Variants in ARHGAP10 observed in about 807,000 individuals in gnomAD.
ARHGAP10 encodes Rho GTPase activating protein 10.
ARHGAP10 carries 87 observed loss-of-function variants against 108.6 expected under a neutral mutation model. That is an observed-to-expected ratio of 0.80 (90% CI 0.67 to 0.96). The LOEUF is 0.96. ARHGAP10 is among the 40% of genes least tolerant of loss of function. ARHGAP10 has a pLI of 0.00. For missense variants in ARHGAP10, 939 were observed against 954.5 expected (o/e 0.98, Z 0.21); for synonymous variants, 347 against 341.1 (o/e 1.02, Z -0.19).
At chr4:147,732,844 A>T in intron 1 of ARHGAP10, among the ~76,000 whole-genome samples, 1 of 152,184 alleles carries the variant, frequency 6.6e-6, no homozygotes, top group Non-Finnish European at 1.5e-5. Flanking sequence ...AAACCGAGGC[A>T]TCTGTTTGCC....
At chr4:147,838,473 T>TAAA (rs60333839) in intron 3 of ARHGAP10, among the ~76,000 whole-genome samples, 16 of 147,952 alleles carry the variant, frequency 1.1e-4, no homozygotes, top group Admixed American at 1.1e-3. Context: ...CCTTGTCTCT[T>TAAA]AAAAAAAAAA....
intron 1 of ARHGAP10, among the ~76,000 whole-genome samples, chr4:147,738,210 T>G (rs1728496498): frequency 6.6e-6 from 1 of 152,164 alleles, no homozygotes; most frequent in South Asian, 2.1e-4. Context: ...CAGGGGATCC[T>G]TGCTCAAGCT....
chr4:147,784,761 G>A (rs4429719), intron 1 of ARHGAP10, among the ~76,000 whole-genome samples: 12,287 of 54,268 alleles, frequency 0.23, 4,479 homozygotes, highest in African/African-American at 0.6. Context: ...ATTATAAAAT[G>A]TATATTATAA....
At chr4:147,800,411 T>A (rs931939095) in intron 1 of ARHGAP10, among the ~76,000 whole-genome samples, 1 of 152,210 alleles carries the variant, frequency 6.6e-6, no homozygotes, top group Non-Finnish European at 1.5e-5. Context: ...GGGAGTCTTG[T>A]GTCTGCCCTA....
chr4:148,063,344 A>G (rs772635998), intron 21 of ARHGAP10, 44 bp downstream of exon 21: 11 of 1,611,364 alleles, frequency 6.8e-6, no homozygotes, highest in Non-Finnish European at 9.3e-6. Flanking sequence ...GGCAGCACAC[A>G]CAGGGGGCTT....
At chr4:147,951,843 TTGATATA>T (rs1349133266) in intron 15 of ARHGAP10, among the ~76,000 whole-genome samples, 1 of 152,176 alleles carries the variant, frequency 6.6e-6, no homozygotes, top group Non-Finnish European at 1.5e-5. Flanking sequence ...TTCGGTAAGT[TTGATATA>T]TGTATACCTC....
chr4:148,017,682 A>ATATATATATGTG, intron 18 of ARHGAP10, among the ~76,000 whole-genome samples: 1 of 135,260 alleles, frequency 7.4e-6, no homozygotes, highest in African/African-American at 2.9e-5. Flanking sequence ...ATATATATAT[A>ATATATATATGTG]TGTGTGTGTA....
intron 18 of ARHGAP10, among the ~76,000 whole-genome samples, chr4:148,018,786 TTA>T (rs1283152238): frequency 3.9e-5 from 6 of 152,192 alleles, no homozygotes; most frequent in Non-Finnish European, 8.8e-5. Context: ...TATAATATTT[TTA>T]TAGTTTGGCA....
chr4:147,732,149 A>T lies in ARHGAP10; in HGVS notation c.-153A>T. The stretch of plus-strand genomic sequence containing the variant: ...CCTCCGCGCCGCAGGACTCGGCTCT[A>T]CGGGACATGTCCGTGCCGCGCTCGC... On this transcript the variant is annotated 5_prime_UTR_variant, in exon 1 of 23. Coordinates refer to ENST00000336498, the MANE Select transcript of ARHGAP10 (RefSeq NM_024605.4). The T allele has an allele frequency of 1.7e-6, 1 of 574,192 alleles. No individual in the cohort carries two copies. Among genetic ancestry groups the T allele is most frequent in the Non-Finnish European group, 2.6e-6 (1 of 386,128 alleles). 35.6% of individuals were successfully genotyped at this position (574,192 alleles called of 1,614,324 possible).
In ARHGAP10 at chr4:148,030,857, T is replaced by C. The variant is rs747543784; in HGVS notation, c.1867+7444T>C. On this transcript the variant is annotated intron_variant, in intron 19 of 22. Transcript: ENST00000336498. Reference sequence around the variant, plus strand: ...GAAGCAGTACAGGGTCACCTTTAGATGAAAGAAAAAAAAGAAAAAAAAAAA... The same window carrying C: ...GAAGCAGTACAGGGTCACCTTTAGACGAAAGAAAAAAAAGAAAAAAAAAAA... 4.1e-5 allele frequency among the ~76,000 whole-genome samples: 6 copies of C among 146,536 alleles called. No homozygotes were observed. The South Asian group carries it at 8.5e-4, about 21-fold the overall frequency.
intron 18 of ARHGAP10, among the ~76,000 whole-genome samples, chr4:147,987,333 T>G (rs779940638): frequency 6.6e-6 from 1 of 152,196 alleles, no homozygotes; most frequent in Non-Finnish European, 1.5e-5. Context: ...TTAAAAAATT[T>G]TTTCTGGAAT....
chr4:148,066,009 TTAGTTTACACAATAG>T (rs1421421200), intron 22 of ARHGAP10, among the ~76,000 whole-genome samples: 1 of 142,710 alleles, frequency 7.0e-6, no homozygotes, highest in African/African-American at 2.6e-5. Context: ...GTTGAGGGGA[TTAGTTTACACAATAG>T]TAAGTGTGGA....
At chr4:147,779,988 A>G (rs1730463389) in intron 1 of ARHGAP10, among the ~76,000 whole-genome samples, 1 of 152,170 alleles carries the variant, frequency 6.6e-6, no homozygotes, top group Admixed American at 6.5e-5. Context: ...TTCGTACATA[A>G]GCCTTGTTAC....
In ARHGAP10 at chr4:148,003,865, A is replaced by C. The variant is rs182285663; in HGVS notation, c.1717-19398A>C. Among the ~76,000 whole-genome samples, 8 of 114,374 alleles carry C rather than the reference A, an allele frequency of 7.0e-5. No individual in the cohort carries two copies. The East Asian group carries it at 1.7e-3, about 25-fold the overall frequency. 75.0% of individuals were successfully genotyped at this position (114,374 alleles called of 152,430 possible). Reference sequence around the variant, plus strand: ...CTGATAGGTCTTGACTCTTTATCCTATTTGCCCAACAGTGTCTTTTATCTG... The same window carrying C: ...CTGATAGGTCTTGACTCTTTATCCTCTTTGCCCAACAGTGTCTTTTATCTG... On this transcript the variant is annotated intron_variant, in intron 18 of 22. Coordinates refer to ENST00000336498, the MANE Select transcript of ARHGAP10 (RefSeq NM_024605.4).
intron 9 of ARHGAP10, among the ~76,000 whole-genome samples, chr4:147,879,859 G>C (rs1735255370): frequency 6.6e-6 from 1 of 152,080 alleles, no homozygotes; most frequent in Non-Finnish European, 1.5e-5. Flanking sequence ...GGAAGATAAA[G>C]GTAACACTGA....
chr4:147,999,783 C>T (rs1405189148), intron 18 of ARHGAP10, among the ~76,000 whole-genome samples: 1 of 152,190 alleles, frequency 6.6e-6, no homozygotes, highest in Non-Finnish European at 1.5e-5. Flanking sequence ...TGGTCACCAT[C>T]TTGGGAGCTC....
intron 1 of ARHGAP10, among the ~76,000 whole-genome samples, chr4:147,816,428 C>G (rs1298340301): frequency 6.6e-6 from 1 of 152,168 alleles, no homozygotes; most frequent in Admixed American, 6.5e-5. Flanking sequence ...TCCTTTTACT[C>G]CATAAATTTG....
At chr4:147,740,310 A>C (rs1355901546) in intron 1 of ARHGAP10, among the ~76,000 whole-genome samples, 1 of 152,164 alleles carries the variant, frequency 6.6e-6, no homozygotes, top group Non-Finnish European at 1.5e-5. Context: ...CAGAGAGATT[A>C]GTAGCTTGTC....
intron 13 of ARHGAP10, among the ~76,000 whole-genome samples, chr4:147,920,624 G>A (rs975098460): frequency 4.6e-5 from 5 of 108,664 alleles, no homozygotes; most frequent in African/African-American, 1.3e-4. Context: ...TGGGATACGT[G>A]TTCAACGTTG....
Sources: allele counts gnomAD v4.1 joint callset (sites outside exome capture counted in the v4.1 genomes callset), GRCh38; gene constraint gnomAD v4.1.1; transcripts MANE v1.5; gene names NCBI Gene and HGNC (gene_info 2026-07-23, HGNC 2026-07-21).